Variants in TLN2 observed in about 807,000 individuals in gnomAD.
TLN2 encodes the protein talin-2.
In TLN2, 118 loss-of-function variants were observed where a neutral mutation model predicts 294.7. That is an observed-to-expected ratio of 0.40 (90% CI 0.34 to 0.47). The LOEUF (loss-of-function observed/expected upper bound fraction) is 0.47. TLN2 is among the 20% of genes least tolerant of loss of function. The pLI, the probability that TLN2 is intolerant of heterozygous loss-of-function variation, is 0.84. For missense variants in TLN2, 3,083 were observed against 3,282.2 expected (o/e 0.94, Z 1.48); for synonymous variants, 1,431 against 1,304.5 (o/e 1.10, Z -2.09).
chr15:62,617,678 G>C (rs1045451856), intron 2 of TLN2, among the ~76,000 whole-genome samples: 3 of 152,186 alleles, frequency 2.0e-5, no homozygotes, highest in Non-Finnish European at 4.4e-5. Flanking sequence ...GCATCTGTCT[G>C]TTTGAAGTGT....
rs35946975 is a variant in TLN2 at position 62,766,347 on chromosome 15, G to C, written c.5121G>C (p.Val1707=). 3,489 of 1,613,152 alleles carry C rather than the reference G, an allele frequency of 2.2e-3. 63 individuals carry two copies. The African/African-American group carries it at 0.037, about 17-fold the overall frequency. The change falls in exon 41 of 59, where the codon GTG becomes GTC. Residue 1707 remains valine (V), a synonymous_variant. Transcript: ENST00000636159. ...VEALQEQLTS[V]VQEIGHLIDP... Reference sequence around the variant, plus strand: ...CCCTGCAGGAGCAGCTGACTTCGGTGGTCCAGGAAATCGGACACCTTATCG... The same window carrying C: ...CCCTGCAGGAGCAGCTGACTTCGGTCGTCCAGGAAATCGGACACCTTATCG...
intron 1 of TLN2, among the ~76,000 whole-genome samples, chr15:62,486,894 G>C (rs1453235419): frequency 6.6e-6 from 1 of 151,658 alleles, no homozygotes; most frequent in African/African-American, 2.4e-5. Flanking sequence ...GATACAGGTA[G>C]AAGGGCTAAT....
intron 9 of TLN2, among the ~76,000 whole-genome samples, chr15:62,663,464 C>A (rs1402234256): frequency 6.6e-6 from 1 of 151,300 alleles, no homozygotes; most frequent in Admixed American, 6.6e-5. Context: ...AAGAGCTAAA[C>A]CATATCAGGA....
At chr15:62,535,802 C>T (rs1171840202) in intron 1 of TLN2, among the ~76,000 whole-genome samples, 1 of 152,180 alleles carries the variant, frequency 6.6e-6, no homozygotes, top group African/African-American at 2.4e-5. Flanking sequence ...ATCTGCCCGC[C>T]TCAGCCTCCC....
chr15:62,390,765 C>T (rs2032002864), intron 1 of TLN2, 80 bp downstream of exon 1: 1 of 152,192 alleles, frequency 6.6e-6, no homozygotes, highest in Non-Finnish European at 1.5e-5. Flanking sequence ...TCTTTTCCCT[C>T]CCCTCTCCAG....
At chr15:62,803,667 A>C (rs2066082593) in intron 50 of TLN2, among the ~76,000 whole-genome samples, 1 of 152,106 alleles carries the variant, frequency 6.6e-6, no homozygotes, top group Non-Finnish European at 1.5e-5. Context: ...TAATTATTTC[A>C]ATTTCTTTGC....
chr15:62,795,997 C>G, intron 46 of TLN2, 130 bp from the exon 47 acceptor site: 1 of 1,216,738 alleles, frequency 8.2e-7, no homozygotes, highest in South Asian at 1.6e-5. Flanking sequence ...AGGCCGTTGA[C>G]TCCAGATGTG....
chr15:62,748,298 G>T, intron 32 of TLN2, 53 bp from the exon 33 acceptor site: 1 of 1,342,812 alleles, frequency 7.4e-7, no homozygotes, highest in Non-Finnish European at 1.1e-6. Flanking sequence ...GCATTGTAGG[G>T]GAAATTACTG....
intron 1 of TLN2, among the ~76,000 whole-genome samples, chr15:62,582,247 CAT>C (rs1555435558): frequency 1.9e-5 from 2 of 103,134 alleles, no homozygotes; most frequent in African/African-American, 7.2e-5. Context: ...CACACACACA[CAT>C]TCATGCCTGA....
intron 1 of TLN2, among the ~76,000 whole-genome samples, chr15:62,410,827 G>A (rs1045284171): frequency 1.3e-5 from 2 of 152,238 alleles, no homozygotes; most frequent in African/African-American, 4.8e-5. Flanking sequence ...ACGGTGATAA[G>A]GTAGCGTAAG....
intron 32 of TLN2, 103 bp from the exon 33 acceptor site, chr15:62,748,248 T>C (rs920348111): frequency 2.4e-5 from 21 of 887,450 alleles, no homozygotes; most frequent in Non-Finnish European, 1.1e-5. Flanking sequence ...GGACCCGAGC[T>C]GAAATAGTGA....
At chr15:62,538,053 C>T (rs1339280195) in intron 1 of TLN2, among the ~76,000 whole-genome samples, 1 of 152,144 alleles carries the variant, frequency 6.6e-6, no homozygotes, top group Non-Finnish European at 1.5e-5. Flanking sequence ...GAAACCCCAT[C>T]TCTACTAAAA....
chr15:62,515,023 C>T (rs554230335), intron 1 of TLN2, among the ~76,000 whole-genome samples: 25 of 152,156 alleles, frequency 1.6e-4, no homozygotes, highest in African/African-American at 5.3e-4. Context: ...GCACGTGAAC[C>T]TTGGAACTCC....
chr15:62,716,509 G>C, intron 23 of TLN2, 50 bp downstream of exon 23: 3 of 1,549,176 alleles, frequency 1.9e-6, no homozygotes, highest in Non-Finnish European at 2.6e-6. Context: ...ATTGCAAAGA[G>C]TTATTTGAAA....
intron 1 of TLN2, among the ~76,000 whole-genome samples, chr15:62,435,511 C>G (rs2035243160): frequency 6.6e-6 from 1 of 151,480 alleles, no homozygotes; most frequent in African/African-American, 2.4e-5. Flanking sequence ...TTGTCTTTTT[C>G]TTATTGATTT....
At chr15:62,642,664 C>G (rs542890472) in intron 3 of TLN2, among the ~76,000 whole-genome samples, 13 of 150,806 alleles carry the variant, frequency 8.6e-5, no homozygotes, top group African/African-American at 3.2e-4. Context: ...ATCCTACTTT[C>G]TTTTTGTTGT....
At chr15:62,532,076 T>C (rs1277613022) in intron 1 of TLN2, among the ~76,000 whole-genome samples, 1 of 150,128 alleles carries the variant, frequency 6.7e-6, no homozygotes, top group East Asian at 2.0e-4. Context: ...GTGAGACAGG[T>C]ACTCACTTTG....
At chr15:62,596,182 G>A (rs936522495) in intron 2 of TLN2, among the ~76,000 whole-genome samples, 6 of 149,480 alleles carry the variant, frequency 4.0e-5, no homozygotes, top group Non-Finnish European at 7.4e-5. Flanking sequence ...GGAGAATGGC[G>A]TGAACCCAGG....
chr15:62,806,234 G>A (rs1354083890), intron 51 of TLN2, among the ~76,000 whole-genome samples: 2 of 152,166 alleles, frequency 1.3e-5, no homozygotes, highest in East Asian at 1.9e-4. Flanking sequence ...ATACGCACCA[G>A]CCTGTGGGAA....
Sources: gnomAD v4.1 joint callset for allele counts (sites outside exome capture counted in the v4.1 genomes callset) on GRCh38, gnomAD v4.1.1 for gene constraint, MANE v1.5 for transcripts, NCBI Gene and HGNC (gene_info 2026-07-23, HGNC 2026-07-21) for gene names.